The following FARS2 variants were observed in gnomAD, a reference collection of about 807,000 sequenced individuals.
FARS2 encodes the protein phenylalanyl-tRNA synthetase 2, mitochondrial, also known as phenylalanine--tRNA ligase, mitochondrial.
FARS2 carries 40 observed loss-of-function variants against 46.4 expected under a neutral mutation model. The observed-to-expected ratio is 0.86, with a 90% CI of 0.67 to 1.12. The LOEUF is 1.12. Among genes scored for constraint, FARS2 ranks in the 50% most tolerant of loss-of-function variants. The pLI is 0.00. For synonymous variants in FARS2, 234 were observed against 214.9 expected (o/e 1.09, Z -0.78); for missense variants, 513 against 567.9 (o/e 0.90, Z 0.98).
At position 5,727,713 on chromosome 6, in the gene FARS2, T is replaced by TGCCA. The variant is rs1336426716; in HGVS notation, c.1218-43577_1218-43574dup. Among the ~76,000 whole-genome samples the TGCCA allele has an allele frequency of 6.6e-6, 1 of 152,120 alleles. No individual in the cohort carries two copies. The highest frequency in any genetic ancestry group is 1.5e-5 in the Non-Finnish European group (1 of 68,032). On this transcript the variant is annotated intron_variant, in intron 6 of 6. Transcript: ENST00000274680. The surrounding 1 kb of genome is among the most constrained non-coding windows in gnomAD (Gnocchi z 4.1). ...GGTCTGAGGAGTTCACAGATTGGAG[T>TGCCA]GCCACAGGGATCATATTTTCAGGTG...
intron 6 of FARS2, among the ~76,000 whole-genome samples, chr6:5,670,240 C>G (rs954683394): frequency 2.0e-5 from 3 of 152,106 alleles, no homozygotes; most frequent in African/African-American, 7.2e-5. Flanking sequence ...TTGATCAAGT[C>G]CTGTTTAGAT....
chr6:5,348,176 A>G (rs28688623), intron 1 of FARS2, among the ~76,000 whole-genome samples: 2,330 of 152,330 alleles, frequency 0.015, 50 homozygotes, highest in South Asian at 0.089. Flanking sequence ...TTTCAAAAAA[A>G]TCCATTCTCT....
At chr6:5,579,225 G>A (rs1471749360) in intron 5 of FARS2, among the ~76,000 whole-genome samples, 1 of 152,084 alleles carries the variant, frequency 6.6e-6, no homozygotes, top group Admixed American at 6.6e-5. Context: ...TTTCACTGCT[G>A]TTACATTTTA....
chr6:5,646,601 A>T (rs1451704903), intron 6 of FARS2, among the ~76,000 whole-genome samples: 2 of 152,116 alleles, frequency 1.3e-5, no homozygotes, highest in African/African-American at 4.8e-5. Context: ...TCCATAGGGG[A>T]TTGGTTTCAG....
chr6:5,404,776 T>TG (rs1761464709), intron 3 of FARS2, 75 bp downstream of exon 3: 2 of 1,024,280 alleles, frequency 2.0e-6, no homozygotes, highest in Admixed American at 3.3e-5. Context: ...TTTGGGTTTT[T>TG]TTTTTTTTTT....
At chr6:5,295,096 C>T (rs772678983) in intron 1 of FARS2, among the ~76,000 whole-genome samples, 3 of 152,090 alleles carry the variant, frequency 2.0e-5, no homozygotes, top group Non-Finnish European at 4.4e-5. Flanking sequence ...CACCACAGAT[C>T]GGGGGTGTGT....
intron 5 of FARS2, among the ~76,000 whole-genome samples, chr6:5,546,130 A>G (rs947688487): frequency 1.3e-5 from 2 of 152,034 alleles, no homozygotes; most frequent in African/African-American, 2.4e-5. Flanking sequence ...CTCTGTCTCA[A>G]AAAAAAAGAA....
chr6:5,569,184 G>A (rs944262734), intron 5 of FARS2, among the ~76,000 whole-genome samples: 1 of 151,876 alleles, frequency 6.6e-6, no homozygotes, highest in Non-Finnish European at 1.5e-5. Context: ...GAAAAAACAG[G>A]TCTGGAGAAG....
intron 1 of FARS2, among the ~76,000 whole-genome samples, chr6:5,357,756 C>T (rs1378557400): frequency 6.6e-6 from 1 of 152,210 alleles, no homozygotes; most frequent in African/African-American, 2.4e-5. Flanking sequence ...AGGTAGGAGT[C>T]AGGTGAACCT....
At chr6:5,454,464 C>A (rs1764707855) in intron 4 of FARS2, among the ~76,000 whole-genome samples, 1 of 151,470 alleles carries the variant, frequency 6.6e-6, no homozygotes, top group Non-Finnish European at 1.5e-5. Flanking sequence ...GCCTCAGCCT[C>A]CCCCCGAGTA....
chr6:5,354,330 A>T (rs1273718392), intron 1 of FARS2, among the ~76,000 whole-genome samples: 1 of 152,172 alleles, frequency 6.6e-6, no homozygotes, highest in African/African-American at 2.4e-5. Flanking sequence ...TTATAATAAC[A>T]GTAGAGGATC....
chr6:5,371,791 GA>G (rs1175975193), intron 2 of FARS2, among the ~76,000 whole-genome samples: 2 of 151,780 alleles, frequency 1.3e-5, no homozygotes, highest in African/African-American at 2.4e-5. Context: ...AAAAAGGAAT[GA>G]AAAAAATATG....
chr6:5,632,432 A>G (rs935062880), intron 6 of FARS2, among the ~76,000 whole-genome samples: 8 of 152,054 alleles, frequency 5.3e-5, no homozygotes, highest in African/African-American at 1.9e-4. Context: ...ACATAAAGTT[A>G]GCCATTTTGA....
chr6:5,546,779 G>A (rs79444760), intron 5 of FARS2, among the ~76,000 whole-genome samples: 3,455 of 150,900 alleles, frequency 0.023, 135 homozygotes, highest in African/African-American at 0.081. Flanking sequence ...AGCCCATCCA[G>A]TGAATTAATC....
chr6:5,755,024 A>G (rs923162263), intron 6 of FARS2, among the ~76,000 whole-genome samples: 1 of 151,968 alleles, frequency 6.6e-6, no homozygotes, highest in Non-Finnish European at 1.5e-5. Context: ...ATTCTATCCT[A>G]TATGTTTCTT....
At chr6:5,532,753 A>AAGT (rs1216284155) in intron 4 of FARS2, among the ~76,000 whole-genome samples, 9 of 147,234 alleles carry the variant, frequency 6.1e-5, no homozygotes, top group Non-Finnish European at 1.2e-4. Flanking sequence ...TCTGTTTCAA[A>AAGT]AGTAGTAGTA....
At chr6:5,488,204 T>C (rs1365149355) in intron 4 of FARS2, among the ~76,000 whole-genome samples, 1 of 152,126 alleles carries the variant, frequency 6.6e-6, no homozygotes, top group Admixed American at 6.5e-5. Context: ...AACTTTCCCC[T>C]AACAGTAGTG....
At chr6:5,356,166 C>T (rs1303934320) in intron 1 of FARS2, among the ~76,000 whole-genome samples, 2 of 152,078 alleles carry the variant, frequency 1.3e-5, no homozygotes, top group South Asian at 2.1e-4. Context: ...AATGACGAGA[C>T]GGCTAGGCGC....
At chr6:5,404,771 GTTTTT>G (rs35291527) in intron 3 of FARS2, 70 bp downstream of exon 3, 8 of 622,660 alleles carry the variant, frequency 1.3e-5, no homozygotes, top group Non-Finnish European at 1.9e-5. Context: ...TTGGATTTGG[GTTTTT>G]TTTTTTTTTT....
Sources: gnomAD v4.1 joint callset for allele counts (sites outside exome capture counted in the v4.1 genomes callset) on GRCh38, gnomAD v4.1.1 for gene constraint, Gnocchi (gnomAD v3.1) non-coding constraint, MANE v1.5 for transcripts, NCBI Gene and HGNC (gene_info 2026-07-23, HGNC 2026-07-21) for gene names.